GRIN2B: variants seen among roughly 807,000 people sequenced by gnomAD.
The protein encoded by GRIN2B is glutamate ionotropic receptor NMDA type subunit 2B, also known as glutamate receptor ionotropic, NMDA 2B.
In GRIN2B, 5 loss-of-function variants were observed where a neutral mutation model predicts 114.5. That is an observed-to-expected ratio of 0.04 (90% CI 0.02 to 0.09). GRIN2B has a LOEUF of 0.09. Ranked by LOEUF, GRIN2B falls within the 10% of genes least tolerant of loss-of-function variation. GRIN2B has a pLI of 1.00. For synonymous variants in GRIN2B, 787 were observed against 745.1 expected (o/e 1.06, Z -0.92); for missense variants, 1,108 against 1,943.5 (o/e 0.57, Z 8.08).
intron 3 of GRIN2B, among the ~76,000 whole-genome samples, chr12:13,860,288 T>C: frequency 6.6e-6 from 1 of 152,160 alleles, no homozygotes; most frequent in Admixed American, 6.5e-5. Context: ...AAATGAAAAG[T>C]GCTATTGAAA....
Position 13,555,263 on chromosome 12 carries a change from A to G in GRIN2B, c.*7520T>C, listed in dbSNP as rs1948465172. 1 of 152,222 alleles carries G rather than the reference A, an allele frequency of 6.6e-6. No individual in the cohort carries two copies. The highest frequency in any genetic ancestry group is 2.1e-4 in the South Asian group (1 of 4,828). The allele number at this position is 152,222 out of a possible 1,614,324, so 9.4% of individuals were successfully genotyped here. A position where few individuals can be genotyped will look rare whatever the true frequency, so the allele number is the denominator to read the frequency against. On this transcript the variant is annotated 3_prime_UTR_variant, in exon 14 of 14. Transcript: ENST00000609686. ...TGAGGTTGAAGAGCAGGGTAAGTAAAGAAAAAAGGCTATTGACTTTTGTAA... is the reference window on the plus strand; with the variant it reads ...TGAGGTTGAAGAGCAGGGTAAGTAAGGAAAAAAGGCTATTGACTTTTGTAA...
In GRIN2B at chr12:13,563,461, G is replaced by A. The variant is rs201872316; in HGVS notation, c.3777C>T (p.Ser1259=). The part of the protein sequence containing the change: ...GNLYDISEDN[S]LQELDQPAAP... ...CAGCCGGCTGGTCCAGTTCCTGCAG[G>A]GAGTTGTCCTCACTGATGTCATACA... Residue 1259 remains serine, a synonymous_variant, in exon 14 of 14, where the codon TCC becomes TCT. Transcript: ENST00000609686. 8.7e-6 allele frequency: 14 copies of A among 1,614,052 alleles called. No individual in the cohort carries two copies. The highest frequency in any genetic ancestry group is 1.2e-5 in the Non-Finnish European group (14 of 1,180,044).
intron 3 of GRIN2B, among the ~76,000 whole-genome samples, chr12:13,860,282 G>A (rs919986403): frequency 1.3e-5 from 2 of 152,132 alleles, no homozygotes; most frequent in Non-Finnish European, 2.9e-5. Context: ...TACAGAAAAT[G>A]AAAAGTGCTA....
At chr12:13,745,816 C>T (rs1164572634) in intron 4 of GRIN2B, among the ~76,000 whole-genome samples, 2 of 152,176 alleles carry the variant, frequency 1.3e-5, no homozygotes, top group African/African-American at 2.4e-5. Flanking sequence ...GTCAGTCTGG[C>T]ATCACACAGC....
chr12:13,927,966 C>CAA lies in GRIN2B; in HGVS notation c.-19+51960_-19+51961dup, dbSNP rs57736516. ...TGGGAAACAGAGCAAGACCCTGTCT[C>CAA]AAAAAAAAAAAAAAAAGGGGGGGTA... On this transcript the variant is annotated intron_variant, in intron 2 of 13. Transcript: ENST00000609686. Among the ~76,000 whole-genome samples, 90 of 37,614 alleles carry CAA rather than the reference C, an allele frequency of 2.4e-3. 5 individuals are homozygous for CAA. In the East Asian group the frequency reaches 0.069, roughly 29 times the overall value. 24.7% of individuals were successfully genotyped at this position (37,614 alleles called of 152,430 possible). A position where few individuals can be genotyped will look rare whatever the true frequency, so the allele number is the denominator to read the frequency against.
At chr12:13,671,980 G>T (rs969734875) in intron 5 of GRIN2B, among the ~76,000 whole-genome samples, 1 of 152,106 alleles carries the variant, frequency 6.6e-6, no homozygotes, top group Admixed American at 6.5e-5. Flanking sequence ...GTGTGACGGG[G>T]TGACTACCTC....
At chr12:13,890,398 G>A (rs550972513) in intron 2 of GRIN2B, among the ~76,000 whole-genome samples, 2 of 152,076 alleles carry the variant, frequency 1.3e-5, no homozygotes, top group African/African-American at 2.4e-5. Flanking sequence ...GCCATATTGG[G>A]GATCTGTAAG....
intron 11 of GRIN2B, among the ~76,000 whole-genome samples, chr12:13,570,562 G>A (rs768433036): frequency 3.9e-5 from 6 of 152,160 alleles, no homozygotes; most frequent in East Asian, 1.9e-4. Context: ...TTGTGTAAGA[G>A]CAGATGAGTG....
chr12:13,572,503 CTGAAAGCTCATA>C (rs1168392047), intron 10 of GRIN2B, among the ~76,000 whole-genome samples: 1 of 152,180 alleles, frequency 6.6e-6, no homozygotes, highest in Non-Finnish European at 1.5e-5. Context: ...CCCTGATGCA[CTGAAAGCTCATA>C]TTTATCCCAC....
intron 4 of GRIN2B, among the ~76,000 whole-genome samples, chr12:13,717,656 G>A (rs1950468680): frequency 6.6e-6 from 1 of 151,910 alleles, no homozygotes. Context: ...ATAACAGATG[G>A]TTGTCTTATT....
chr12:13,919,369 TC>T (rs1396994987), intron 2 of GRIN2B, among the ~76,000 whole-genome samples: 5 of 152,196 alleles, frequency 3.3e-5, no homozygotes, highest in African/African-American at 1.2e-4. Flanking sequence ...TTATAATGAT[TC>T]CAGTGAAACA....
chr12:13,610,392 G>A (rs1419551559), intron 9 of GRIN2B, among the ~76,000 whole-genome samples: 3 of 152,138 alleles, frequency 2.0e-5, no homozygotes, highest in Non-Finnish European at 4.4e-5. Flanking sequence ...TCAAGGGAGA[G>A]AGGCAATGCA....
At chr12:13,755,688 C>T (rs555231808) in intron 3 of GRIN2B, among the ~76,000 whole-genome samples, 17 of 152,334 alleles carry the variant, frequency 1.1e-4, no homozygotes, top group African/African-American at 3.4e-4. Flanking sequence ...TACATGAGTA[C>T]AACTCTTAGG....
At position 13,541,588 on chromosome 12, in the gene GRIN2B, TGATAC is replaced by T. The variant is rs1948280767; in HGVS notation, c.*21190_*21194del. ...AAGTAAGGTATGACTGAGTTGGCTG[TGATAC>T]CTTAAGAACTCAAGATGTGGCGTTA... On this transcript the variant is annotated 3_prime_UTR_variant, in exon 14 of 14. Transcript: ENST00000609686. 6.6e-6 allele frequency: 1 copy of T among 152,226 alleles called. No homozygotes were observed. The highest frequency in any genetic ancestry group is 2.4e-5 in the African/African-American group (1 of 41,458). 9.4% of individuals were successfully genotyped at this position (152,226 alleles called of 1,614,324 possible).
intron 3 of GRIN2B, among the ~76,000 whole-genome samples, chr12:13,855,199 C>G (rs537502436): frequency 6.6e-6 from 1 of 152,052 alleles, no homozygotes; most frequent in South Asian, 2.1e-4. Context: ...GGCTGGGTGA[C>G]AGAATGAGAC....
rs989036865 is a variant in GRIN2B at position 13,794,864 on chromosome 12, G to A, written c.412-40949C>T. 2.6e-5 allele frequency among the ~76,000 whole-genome samples: 4 copies of A among 152,218 alleles called. No homozygotes were observed. In the East Asian group the frequency reaches 5.8e-4, roughly 22 times the overall value. On this transcript the variant is annotated intron_variant, in intron 3 of 13. Transcript: ENST00000609686. Reference sequence around the variant, plus strand: ...CAGATGGACACCAAGCTACCTCATTGTCCTGGGCATCGAAGCCAGACTGCA... The same window carrying A: ...CAGATGGACACCAAGCTACCTCATTATCCTGGGCATCGAAGCCAGACTGCA...
At chr12:13,692,499 C>T (rs139089926) in intron 4 of GRIN2B, among the ~76,000 whole-genome samples, 78 of 152,182 alleles carry the variant, frequency 5.1e-4, no homozygotes, top group African/African-American at 9.2e-4. Context: ...ATTTTCCCCA[C>T]ATCTGTGTGG....
intron 10 of GRIN2B, among the ~76,000 whole-genome samples, chr12:13,580,312 T>G (rs1400930719): frequency 6.6e-6 from 1 of 152,212 alleles, no homozygotes; most frequent in Non-Finnish European, 1.5e-5. Flanking sequence ...TCATTCAGTC[T>G]GTGTCCAATC....
intron 3 of GRIN2B, among the ~76,000 whole-genome samples, chr12:13,829,119 G>A (rs752329167): frequency 2.8e-4 from 43 of 152,116 alleles, no homozygotes; most frequent in African/African-American, 4.6e-4. Context: ...ATTTAACCTC[G>A]GTTCAAACTT....
Sources: gnomAD v4.1 joint callset for allele counts (sites outside exome capture counted in the v4.1 genomes callset) on GRCh38, gnomAD v4.1.1 for gene constraint, MANE v1.5 for transcripts, NCBI Gene and HGNC (gene_info 2026-07-23, HGNC 2026-07-21) for gene names.